AMPH: variants seen among roughly 807,000 people sequenced by gnomAD.
AMPH encodes amphiphysin (Stiff-Mann syndrome with breast cancer 128kD autoantigen).
A neutral mutation model predicts 99.1 loss-of-function variants in AMPH; 49 were observed. The observed-to-expected ratio is 0.49, with a 90% CI of 0.39 to 0.63. The LOEUF is 0.63. AMPH is among the 20% of genes least tolerant of loss of function. The pLI, the probability that AMPH is intolerant of heterozygous loss-of-function variation, is 0.00. For synonymous variants in AMPH, 314 were observed against 317.3 expected (o/e 0.99, Z 0.11); for missense variants, 759 against 863.4 (o/e 0.88, Z 1.52).
At chr7:38,474,556 A>G (rs1460942599) in intron 7 of AMPH, among the ~76,000 whole-genome samples, 1 of 152,200 alleles carries the variant, frequency 6.6e-6, no homozygotes, top group East Asian at 1.9e-4. Context: ...GAATTTGTAT[A>G]TAGGAAGGCT....
chr7:38,407,335 A>ATC (rs70975099), intron 17 of AMPH, among the ~76,000 whole-genome samples: 42 of 140,586 alleles, frequency 3.0e-4, no homozygotes, highest in African/African-American at 5.3e-4. Flanking sequence ...ATTAGGGAAA[A>ATC]TCTCTCTCTC....
intron 4 of AMPH, among the ~76,000 whole-genome samples, chr7:38,492,853 T>C (rs892132132): frequency 3.3e-5 from 5 of 152,162 alleles, no homozygotes; most frequent in Non-Finnish European, 5.9e-5. Flanking sequence ...TTAAAAATTA[T>C]TTTTTTGTGA....
intron 1 of AMPH, among the ~76,000 whole-genome samples, chr7:38,609,752 C>T (rs559058118): frequency 4.2e-5 from 2 of 47,706 alleles, no homozygotes; most frequent in African/African-American, 2.9e-4. Context: ...TAATAGATTG[C>T]AGGTGCTGTG....
chr7:38,414,586 T>C (rs1419357433), intron 17 of AMPH, among the ~76,000 whole-genome samples: 1 of 152,188 alleles, frequency 6.6e-6, no homozygotes, highest in Non-Finnish European at 1.5e-5. Flanking sequence ...TAATACATTA[T>C]GAATTGGCTC....
intron 1 of AMPH, among the ~76,000 whole-genome samples, chr7:38,579,376 T>C (rs752497697): frequency 5.3e-5 from 8 of 152,168 alleles, no homozygotes; most frequent in Non-Finnish European, 8.8e-5. Context: ...TGCTTTCCCT[T>C]CCAGTGCCAT....
intron 1 of AMPH, among the ~76,000 whole-genome samples, chr7:38,610,311 G>A (rs1345260229): frequency 4.9e-4 from 12 of 24,508 alleles, no homozygotes; most frequent in Admixed American, 1.9e-3. Context: ...GAAAAGAAAA[G>A]AAAAGAAAAG....
rs1443979345 is a variant in AMPH at position 38,394,049 on chromosome 7, T to C, written c.1564A>G (p.Ser522Gly). 6.2e-7 allele frequency: 1 copy of C among 1,614,214 alleles called. No homozygotes were observed. The highest frequency in any genetic ancestry group is 2.2e-5 in the East Asian group (1 of 44,876). The change falls in exon 18 of 21, where the codon AGT (serine) becomes GGT (glycine). Residue 522 changes from serine to glycine, a missense_variant. Transcript: ENST00000356264. ...IGTETTEGAE[S>G]AQPEAEELEA... ...AGCTCCTCTGCTTCAGGTTGGGCACTCTCTGCACCCTCAGTGGTTTCAGTT... is the reference window on the plus strand; with the variant it reads ...AGCTCCTCTGCTTCAGGTTGGGCACCCTCTGCACCCTCAGTGGTTTCAGTT...
At chr7:38,555,967 G>T (rs1791347980) in intron 1 of AMPH, among the ~76,000 whole-genome samples, 1 of 152,150 alleles carries the variant, frequency 6.6e-6, no homozygotes, top group Non-Finnish European at 1.5e-5. Flanking sequence ...CCTAGAGCTT[G>T]TGGGGAAGGA....
chr7:38,613,513 G>A (rs923780225), intron 1 of AMPH, among the ~76,000 whole-genome samples: 1 of 152,144 alleles, frequency 6.6e-6, no homozygotes, highest in African/African-American at 2.4e-5. Context: ...AGATAATCGG[G>A]ATAATTTCTA....
chr7:38,560,669 C>T (rs926764531), intron 1 of AMPH, among the ~76,000 whole-genome samples: 1 of 152,222 alleles, frequency 6.6e-6, no homozygotes, highest in Non-Finnish European at 1.5e-5. Context: ...GCCAGTAGCA[C>T]AATGCATGTT....
At chr7:38,432,755 A>C (rs1374459208) in intron 12 of AMPH, among the ~76,000 whole-genome samples, 2 of 152,202 alleles carry the variant, frequency 1.3e-5, no homozygotes, top group Non-Finnish European at 2.9e-5. Flanking sequence ...TGACCAGCTT[A>C]ATGGTAAATG....
chr7:38,611,923 A>T (rs993714186), intron 1 of AMPH, among the ~76,000 whole-genome samples: 3 of 152,172 alleles, frequency 2.0e-5, no homozygotes, highest in African/African-American at 7.2e-5. Context: ...AAAAGAGATG[A>T]ACCTTTGGGT....
At chr7:38,630,462 C>T (rs985256926) in intron 1 of AMPH, among the ~76,000 whole-genome samples, 2 of 152,052 alleles carry the variant, frequency 1.3e-5, no homozygotes, top group African/African-American at 4.8e-5. Context: ...AATTACTGTG[C>T]GCAATTTACT....
intron 11 of AMPH, among the ~76,000 whole-genome samples, chr7:38,445,401 GA>G (rs1267588773): frequency 6.6e-6 from 1 of 151,898 alleles, no homozygotes; most frequent in African/African-American, 2.4e-5. Context: ...ATATAATCCA[GA>G]AAAAAATGGA....
intron 1 of AMPH, among the ~76,000 whole-genome samples, chr7:38,618,124 A>G (rs573748134): frequency 1.3e-5 from 2 of 152,336 alleles, no homozygotes; most frequent in African/African-American, 4.8e-5. Flanking sequence ...TAAGAAAAAT[A>G]TATTTTTGAA....
Position 38,534,937 on chromosome 7 carries a change from C to G in AMPH, c.144G>C (p.Arg48=). The change falls in exon 2 of 21, where the codon CGG becomes CGC. Residue 48 remains arginine (R), a synonymous_variant. Coordinates refer to ENST00000356264, the MANE Select transcript of AMPH (RefSeq NM_001635.4). ...QFEEYVQNFK[R]QEAEGTRLQR... ...ACTAAACAAATGGACTCACTTCTTG[C>G]CGTTTGAAGTTCTGGACATATTCTT... is the stretch of plus-strand genomic sequence containing the variant. 6.2e-7 allele frequency: 1 copy of G among 1,613,686 alleles called. No homozygotes were observed. Among genetic ancestry groups the G allele is most frequent in the South Asian group, 1.1e-5 (1 of 91,024 alleles).
At chr7:38,464,832 T>TA (rs1432146744) in intron 9 of AMPH, among the ~76,000 whole-genome samples, 3 of 152,100 alleles carry the variant, frequency 2.0e-5, no homozygotes, top group Non-Finnish European at 4.4e-5. Flanking sequence ...AAGGATGGAA[T>TA]AAAAAGGATT....
intron 1 of AMPH, among the ~76,000 whole-genome samples, chr7:38,536,108 T>TA (rs1348425801): frequency 6.6e-6 from 1 of 152,126 alleles, no homozygotes; most frequent in Admixed American, 6.6e-5. Flanking sequence ...CACTTGATCC[T>TA]AAAAAATGTA....
intron 1 of AMPH, among the ~76,000 whole-genome samples, chr7:38,536,012 C>G (rs1333545756): frequency 6.6e-6 from 1 of 152,088 alleles, no homozygotes; most frequent in East Asian, 1.9e-4. Context: ...CCCTTCAACT[C>G]AATAAACACT....
Sources: gnomAD v4.1 joint callset for allele counts (sites outside exome capture counted in the v4.1 genomes callset) on GRCh38, gnomAD v4.1.1 for gene constraint, MANE v1.5 for transcripts, NCBI Gene and HGNC (gene_info 2026-07-23, HGNC 2026-07-21) for gene names.